Variants in SAMMSON observed in about 807,000 individuals in gnomAD.
The protein encoded by SAMMSON is survival associated mitochondrial melanoma specific oncogenic non-coding RNA.
At chr3:70,066,961 G>A (rs748429740) in intron 3 of SAMMSON, among the ~76,000 whole-genome samples, 2 of 152,202 alleles carry the variant, frequency 1.3e-5, no homozygotes, top group South Asian at 2.1e-4. Context: ...GAAAATTATA[G>A]GATATGTGTA....
chr3:70,188,591 C>CTTT (rs1701108712), intron 4 of SAMMSON, among the ~76,000 whole-genome samples: 1 of 152,012 alleles, frequency 6.6e-6, no homozygotes, highest in Non-Finnish European at 1.5e-5. Context: ...TGGGATAGTG[C>CTTT]AGAAATAAAG....
intron 7 of SAMMSON, among the ~76,000 whole-genome samples, chr3:70,309,783 G>GT (rs1187173074): frequency 6.6e-6 from 1 of 152,158 alleles, no homozygotes; most frequent in African/African-American, 2.4e-5. Flanking sequence ...ATGAAATATA[G>GT]TAAACATAAT....
At chr3:70,217,205 G>T (rs1453455477) in intron 4 of SAMMSON, among the ~76,000 whole-genome samples, 1 of 151,940 alleles carries the variant, frequency 6.6e-6, no homozygotes, top group African/African-American at 2.4e-5. Flanking sequence ...CAACATACAG[G>T]GAATTAAAGA....
intron 4 of SAMMSON, among the ~76,000 whole-genome samples, chr3:70,131,027 T>C (rs143754259): frequency 1.3e-5 from 2 of 152,324 alleles, no homozygotes; most frequent in East Asian, 3.9e-4. Context: ...AATGCCCAAA[T>C]AAGTATATAA....
At chr3:70,242,771 T>A (rs1317817517) in intron 4 of SAMMSON, among the ~76,000 whole-genome samples, 1 of 152,162 alleles carries the variant, frequency 6.6e-6, no homozygotes, top group Non-Finnish European at 1.5e-5. Context: ...TGGAATCTTA[T>A]TGTGTCAGAG....
At chr3:70,011,431 C>T (rs988083476) in intron 1 of SAMMSON, among the ~76,000 whole-genome samples, 3 of 151,912 alleles carry the variant, frequency 2.0e-5, no homozygotes, top group Non-Finnish European at 4.4e-5. Context: ...TCTTCTCAGC[C>T]CTAATATGTG....
At chr3:70,339,967 T>C (rs9714099) in intron 7 of SAMMSON, among the ~76,000 whole-genome samples, 11,575 of 152,074 alleles carry the variant, frequency 0.076, 640 homozygotes, top group East Asian at 0.29. Flanking sequence ...ATGTTTATTG[T>C]GGCACTATTC....
chr3:70,020,253 T>C (rs1195717843), intron 3 of SAMMSON, among the ~76,000 whole-genome samples: 1 of 152,098 alleles, frequency 6.6e-6, no homozygotes, highest in Non-Finnish European at 1.5e-5. Context: ...GCCTTCTCTG[T>C]CTCCTCAATT....
intron 6 of SAMMSON, among the ~76,000 whole-genome samples, chr3:70,260,541 T>C (rs1701856270): frequency 6.6e-6 from 1 of 152,052 alleles, no homozygotes; most frequent in Non-Finnish European, 1.5e-5. Flanking sequence ...GGAGTCCCTA[T>C]CATGAGACCA....
chr3:70,026,848 T>G (rs915151304), intron 3 of SAMMSON, among the ~76,000 whole-genome samples: 2 of 152,320 alleles, frequency 1.3e-5, no homozygotes, highest in African/African-American at 2.4e-5. Context: ...ATCAGTCTTT[T>G]CTTTTTCTCT....
intron 6 of SAMMSON, among the ~76,000 whole-genome samples, chr3:70,284,549 A>T (rs1018728133): frequency 6.6e-6 from 1 of 152,300 alleles, no homozygotes; most frequent in East Asian, 1.9e-4. Flanking sequence ...CATATACACC[A>T]CGGAATACTA....
At chr3:70,282,830 T>C (rs1210528630) in intron 6 of SAMMSON, among the ~76,000 whole-genome samples, 2 of 152,160 alleles carry the variant, frequency 1.3e-5, no homozygotes, top group Non-Finnish European at 2.9e-5. Flanking sequence ...TTATGAAGGA[T>C]GACCATAGCA....
chr3:70,290,147 A>G (rs1702217477), intron 6 of SAMMSON, among the ~76,000 whole-genome samples: 1 of 151,890 alleles, frequency 6.6e-6, no homozygotes, highest in South Asian at 2.1e-4. Context: ...TGCTTTTTAG[A>G]GTTTCCAGTT....
In SAMMSON at chr3:70,174,682, A is replaced by C. The variant is rs1700996159; in HGVS notation, n.508-74425A>C. ...AGTTTTATTGTATTCATATGCCTAC[A>C]AATGAAAAAATATTCTAGAAAAGGT... On this transcript the variant is annotated intron_variant and non_coding_transcript_variant, in intron 4 of 9. Transcript: ENST00000642114. 3.3e-5 allele frequency among the ~76,000 whole-genome samples: 5 copies of C among 152,192 alleles called. No homozygotes were observed. The South Asian group carries it at 1.0e-3, about 32-fold the overall frequency.
rs529403339 is a variant in SAMMSON, at chr3:70,344,068, T to C, written n.740-10107T>C. 1.4e-4 allele frequency among the ~76,000 whole-genome samples: 21 copies of C among 152,182 alleles called. 1 individual carries two copies. In the South Asian group the frequency reaches 4.4e-3, roughly 32 times the overall value. ...TGCTTCTAATTTGTAGCACTAATGATATGGACAGGAGACAGGGAAATACTG... is the reference window on the plus strand; with the variant it reads ...TGCTTCTAATTTGTAGCACTAATGACATGGACAGGAGACAGGGAAATACTG... On this transcript the variant is annotated intron_variant and non_coding_transcript_variant, in intron 7 of 9. Coordinates refer to ENST00000642114, the Ensembl canonical transcript of SAMMSON.
intron 4 of SAMMSON, among the ~76,000 whole-genome samples, chr3:70,137,297 A>C (rs2067510079): frequency 6.6e-6 from 1 of 152,222 alleles, no homozygotes; most frequent in Non-Finnish European, 1.5e-5. Context: ...AAACTCCTCG[A>C]TAGTTTATAG....
At chr3:70,248,279 A>G (rs1701727593) in intron 4 of SAMMSON, among the ~76,000 whole-genome samples, 1 of 152,122 alleles carries the variant, frequency 6.6e-6, no homozygotes, top group Admixed American at 6.6e-5. Context: ...TCAACTTTCT[A>G]AATAGATTGC....
At chr3:70,085,351 T>C (rs1397129215) in intron 4 of SAMMSON, among the ~76,000 whole-genome samples, 1 of 152,208 alleles carries the variant, frequency 6.6e-6, no homozygotes, top group Non-Finnish European at 1.5e-5. Flanking sequence ...ATTATCACCT[T>C]CATGACTTGA....
intron 7 of SAMMSON, among the ~76,000 whole-genome samples, chr3:70,336,834 G>A (rs1185903619): frequency 2.0e-5 from 3 of 149,358 alleles, no homozygotes; most frequent in African/African-American, 4.9e-5. Context: ...GTGTGTGTGT[G>A]TGTGTGTGTG....
Sources: allele counts gnomAD v4.1 joint callset (sites outside exome capture counted in the v4.1 genomes callset), GRCh38; gene constraint gnomAD v4.1.1; transcripts MANE v1.5; gene names NCBI Gene and HGNC (gene_info 2026-07-23, HGNC 2026-07-21).